Variants in CALN1 observed in about 807,000 individuals in gnomAD.
CALN1 encodes the protein calneuron 1.
In CALN1, 17 loss-of-function variants were observed where a neutral mutation model predicts 30.6. That is an observed-to-expected ratio of 0.56 (90% CI 0.38 to 0.83). The LOEUF is 0.83. Among genes scored for constraint, CALN1 ranks in the 40% least tolerant of loss-of-function variants. The pLI is 0.00. For missense variants in CALN1, 291 were observed against 354.9 expected (o/e 0.82, Z 1.45); for synonymous variants, 156 against 131.4 (o/e 1.19, Z -1.28).
At position 72,267,153 on chromosome 7, in the gene CALN1, T is replaced by C. The variant is rs190693102; in HGVS notation, c.244+11533A>G. Among the ~76,000 whole-genome samples the C allele has an allele frequency of 1.2e-4, 18 of 152,328 alleles. 1 individual carries two copies. The highest frequency in any genetic ancestry group is 1.2e-3 in the Admixed American group (18 of 15,298). ...CCTTCAAACCTCCTCTTAGAAAGCC[T>C]GTAGAGAGAAGTGTCTCCAAAAAAG... On this transcript the variant is annotated intron_variant, in intron 3 of 6. Coordinates refer to ENST00000395275, the MANE Select transcript of CALN1 (RefSeq NM_031468.4).
intron 3 of CALN1, among the ~76,000 whole-genome samples, chr7:72,162,813 G>A (rs1040176394): frequency 4.6e-5 from 7 of 152,192 alleles, no homozygotes; most frequent in Non-Finnish European, 1.0e-4. Flanking sequence ...TCCTCTGTCA[G>A]TATGAGCCAT....
rs1199969768 is a variant in CALN1, at chr7:72,186,889, T to A, written c.245-80595A>T. Among the ~76,000 whole-genome samples, 10 of 48,666 alleles carry A rather than the reference T, an allele frequency of 2.1e-4. No individual in the cohort carries two copies. In the East Asian group the frequency reaches 0.12, roughly 593 times the overall value. 31.9% of individuals were successfully genotyped at this position (48,666 alleles called of 152,430 possible). ...AATAAACATATGAGTGCAGAGCTTT[T>A]TTTTTTTTTTTTTTTTTTTTGATAG... is the stretch of plus-strand genomic sequence containing the variant. On this transcript the variant is annotated intron_variant, in intron 3 of 6. Coordinates refer to ENST00000395275, the MANE Select transcript of CALN1 (RefSeq NM_031468.4).
chr7:72,394,662 CTTTT>C (rs11313018), intron 2 of CALN1, among the ~76,000 whole-genome samples: 4 of 126,062 alleles, frequency 3.2e-5, no homozygotes, highest in African/African-American at 3.0e-5. Context: ...GTACCATTGA[CTTTT>C]TTTTTTTTTT....
rs372030001 is a variant in CALN1, at chr7:71,911,377, T to C, written c.502-100885A>G. ...GGATTCGTCTCAGCAGCAGGGCTGG[T>C]ATTCACTGCAAGGAACCACGCTCGG... On this transcript the variant is annotated intron_variant, in intron 5 of 6. Transcript: ENST00000395275. Among the ~76,000 whole-genome samples, 56 of 152,234 alleles carry C rather than the reference T, an allele frequency of 3.7e-4. 1 individual carries two copies. The highest frequency in any genetic ancestry group is 6.2e-4 in the South Asian group (3 of 4,816).
rs549573925 is a variant in CALN1 at position 72,122,241 on chromosome 7, A to T, written c.245-15947T>A. Reference sequence around the variant, plus strand: ...AGATCACACTGTTCCTAAGCTGCAAACGTTAATATACGGAGATTAGAGACT... The same window carrying T: ...AGATCACACTGTTCCTAAGCTGCAATCGTTAATATACGGAGATTAGAGACT... On this transcript the variant is annotated intron_variant, in intron 3 of 6. Transcript: ENST00000395275. 4.6e-5 allele frequency among the ~76,000 whole-genome samples: 7 copies of T among 152,282 alleles called. No individual in the cohort carries two copies. In the South Asian group the frequency reaches 1.5e-3, roughly 32 times the overall value.
rs138446959 is a variant in CALN1, at chr7:72,322,217, T to C, written c.120-43407A>G. Among the ~76,000 whole-genome samples the C allele has an allele frequency of 3.6e-3, 543 of 152,232 alleles. 4 individuals are homozygous for C. The highest frequency in any genetic ancestry group is 0.017 in the Middle Eastern group (5 of 294). ...CAGATCATCAGGCATTAGACTCTCA[T>C]AAGGAGGTTGCAACCTAGATCCCTT... On this transcript the variant is annotated intron_variant, in intron 2 of 6. Coordinates refer to ENST00000395275, the MANE Select transcript of CALN1 (RefSeq NM_031468.4).
chr7:72,039,420 G>T (rs1004427492), intron 4 of CALN1, among the ~76,000 whole-genome samples: 2 of 152,206 alleles, frequency 1.3e-5, no homozygotes, highest in African/African-American at 4.8e-5. Flanking sequence ...AGAGTACTGG[G>T]CTGGTCCCAT....
chr7:72,058,310 CTTTTTTTT>C (rs3065011), intron 4 of CALN1, among the ~76,000 whole-genome samples: 2 of 70,776 alleles, frequency 2.8e-5, no homozygotes, highest in South Asian at 7.1e-4. Flanking sequence ...AAGCTGGAAT[CTTTTTTTT>C]TTTTTTTTTT....
intron 3 of CALN1, among the ~76,000 whole-genome samples, chr7:72,117,178 G>A (rs1204687189): frequency 6.6e-6 from 1 of 152,142 alleles, no homozygotes; most frequent in Non-Finnish European, 1.5e-5. Flanking sequence ...TTAACCAGGT[G>A]TATTGGTGCA....
At chr7:71,935,067 T>C (rs907075911) in intron 5 of CALN1, among the ~76,000 whole-genome samples, 6 of 152,144 alleles carry the variant, frequency 3.9e-5, no homozygotes, top group African/African-American at 7.2e-5. Flanking sequence ...AGCCAAACCA[T>C]ATCAGGGTCA....
the CALN1 span, among the ~76,000 whole-genome samples, chr7:72,455,198 A>T: frequency 2.5e-4 from 38 of 151,952 alleles, no homozygotes; most frequent in African/African-American, 7.5e-4. Context: ...GCTACTCTGG[A>T]GGCGGAGGCA....
chr7:72,344,991 AATG>A (rs201244909), intron 2 of CALN1, among the ~76,000 whole-genome samples: 4,336 of 147,726 alleles, frequency 0.029, 137 homozygotes, highest in African/African-American at 0.076. Flanking sequence ...TTATAAAAAT[AATG>A]ATATATAATA....
At chr7:72,042,326 AAT>A (rs1802181493) in intron 4 of CALN1, among the ~76,000 whole-genome samples, 1 of 152,186 alleles carries the variant, frequency 6.6e-6, no homozygotes, top group African/African-American at 2.4e-5. Flanking sequence ...ATGGAGAAAG[AAT>A]ACAACACACA....
intron 4 of CALN1, among the ~76,000 whole-genome samples, chr7:72,105,942 C>T (rs1477354093): frequency 6.6e-6 from 1 of 151,978 alleles, no homozygotes; most frequent in Non-Finnish European, 1.5e-5. Flanking sequence ...CTTTCCTCAC[C>T]CCATCCTATA....
intron 2 of CALN1, among the ~76,000 whole-genome samples, chr7:72,344,413 G>A (rs779539383): frequency 1.5e-4 from 23 of 151,858 alleles, no homozygotes; most frequent in Non-Finnish European, 2.9e-4. Context: ...AGTGAAAAAA[G>A]TTAATGGCAA....
chr7:71,947,134 C>A (rs918910575), intron 5 of CALN1, among the ~76,000 whole-genome samples: 1 of 152,030 alleles, frequency 6.6e-6, no homozygotes, highest in East Asian at 1.9e-4. Context: ...CCACAGCCTC[C>A]CGAGTAGCTA....
At chr7:72,172,537 G>C (rs913892831) in intron 3 of CALN1, among the ~76,000 whole-genome samples, 1 of 152,166 alleles carries the variant, frequency 6.6e-6, no homozygotes, top group Non-Finnish European at 1.5e-5. Context: ...CCTTATTACA[G>C]TATTAGCAAA....
At chr7:72,468,053 C>T in the CALN1 span, among the ~76,000 whole-genome samples, 6 of 152,290 alleles carry the variant, frequency 3.9e-5, no homozygotes, top group East Asian at 9.6e-4. Flanking sequence ...AAGGTCCATC[C>T]ATGTTGTTGC....
chr7:72,364,602 A>G (rs1003329341), intron 2 of CALN1, among the ~76,000 whole-genome samples: 8 of 152,244 alleles, frequency 5.3e-5, no homozygotes, highest in African/African-American at 1.9e-4. Context: ...AACAAAACAC[A>G]GAATTATATT....
Sources: gnomAD v4.1 joint callset for allele counts (sites outside exome capture counted in the v4.1 genomes callset) on GRCh38, gnomAD v4.1.1 for gene constraint, MANE v1.5 for transcripts, NCBI Gene and HGNC (gene_info 2026-07-23, HGNC 2026-07-21) for gene names.